Variants in DPF3 observed in about 807,000 individuals in gnomAD.
DPF3 encodes double PHD fingers 3.
Under a neutral mutation model 56.8 loss-of-function variants are expected in DPF3, and 18 were observed. The observed-to-expected ratio is 0.32, with a 90% confidence interval of 0.22 to 0.47. The LOEUF (loss-of-function observed/expected upper bound fraction) is 0.47, where lower values mean the gene tolerates loss of function less well. Among genes scored for constraint, DPF3 ranks in the 20% least tolerant of loss-of-function variants. DPF3 has a pLI of 1.00. For synonymous variants in DPF3, 188 were observed against 180.2 expected, an observed-to-expected ratio of 1.04 and a Z score of -0.35; for missense variants, 403 against 488.8, an observed-to-expected ratio of 0.82 and a Z score of 1.65.
chr14:72,691,862 G>A (rs1253029100), intron 7 of DPF3, among the ~76,000 whole-genome samples: 1 of 152,188 alleles, frequency 6.6e-6, no homozygotes, highest in East Asian at 1.9e-4. Flanking sequence ...AACCCTGCCA[G>A]CACCGTGACC....
intron 1 of DPF3, among the ~76,000 whole-genome samples, chr14:72,829,785 C>T (rs1451776834): frequency 6.6e-6 from 1 of 151,830 alleles, no homozygotes; most frequent in Non-Finnish European, 1.5e-5. Context: ...GCTCTGTCAC[C>T]CAGGCTGGAG....
chr14:72,759,825 T>C (rs1314730235), intron 2 of DPF3, among the ~76,000 whole-genome samples: 2 of 152,056 alleles, frequency 1.3e-5, no homozygotes, highest in Non-Finnish European at 2.9e-5. Flanking sequence ...AACATTCTTA[T>C]CTTTGCAATG....
At chr14:72,689,675 C>CG (rs1449389113) in intron 7 of DPF3, among the ~76,000 whole-genome samples, 5 of 152,102 alleles carry the variant, frequency 3.3e-5, no homozygotes, top group Admixed American at 6.5e-5. Context: ...AGAAAATAGT[C>CG]GGGGGGCTGC....
intron 6 of DPF3, among the ~76,000 whole-genome samples, chr14:72,714,205 C>T (rs1888789533): frequency 6.6e-6 from 1 of 152,212 alleles, no homozygotes; most frequent in African/African-American, 2.4e-5. Context: ...GGGGCCACCC[C>T]AGCTGGCTTC....
At chr14:72,775,303 C>G (rs1272398942) in intron 1 of DPF3, among the ~76,000 whole-genome samples, 2 of 150,428 alleles carry the variant, frequency 1.3e-5, no homozygotes, top group Non-Finnish European at 3.0e-5. Flanking sequence ...AAATAAATTT[C>G]TGGAAACCAA....
intron 1 of DPF3, among the ~76,000 whole-genome samples, chr14:72,780,136 C>T (rs58957804): frequency 0.011 from 1,622 of 152,322 alleles, 35 homozygotes; most frequent in African/African-American, 0.037. Flanking sequence ...AGCCCTACCC[C>T]TGAATCTCAA....
chr14:72,609,098 G>A lies in DPF3; in HGVS notation c.*10199C>T, dbSNP rs1397784672. Among the ~76,000 whole-genome samples the A allele has an allele frequency of 6.6e-6, 1 of 152,158 alleles. No homozygotes were observed. The highest frequency in any genetic ancestry group is 6.5e-5 in the Admixed American group (1 of 15,272). On this transcript the variant is annotated 3_prime_UTR_variant, in exon 11 of 11. Coordinates refer to ENST00000556509, the MANE Select transcript of DPF3 (RefSeq NM_001280542.3). Reference sequence around the variant, plus strand: ...TTGCAGACAAAAGATTCACTACGTGGGTAGTCAACATTGCTAACCAATCAC... The same window carrying A: ...TTGCAGACAAAAGATTCACTACGTGAGTAGTCAACATTGCTAACCAATCAC...
At chr14:72,825,873 A>C (rs1046478225) in intron 1 of DPF3, among the ~76,000 whole-genome samples, 1 of 152,220 alleles carries the variant, frequency 6.6e-6, no homozygotes. Flanking sequence ...TGCAGAGTAG[A>C]TGTGGCCATG....
At chr14:72,862,177 C>T (rs1181646193) in intron 1 of DPF3, among the ~76,000 whole-genome samples, 1 of 152,132 alleles carries the variant, frequency 6.6e-6, no homozygotes, top group African/African-American at 2.4e-5. Flanking sequence ...CATCCAGGTC[C>T]CAGTGAGGCC....
In DPF3 at chr14:72,622,490, G is replaced by A. The variant is rs528282205; in HGVS notation, c.985-2506C>T. Among the ~76,000 whole-genome samples the A allele has an allele frequency of 3.3e-5, 5 of 152,124 alleles. 1 individual carries two copies. Among genetic ancestry groups the A allele is most frequent in the Admixed American group, 3.3e-4 (5 of 15,266 alleles). ...AAACAGACAGGACTTGTCAGAAACAGTGTTATTAATGCCTTAAAAACAGTA... is the reference window on the plus strand; with the variant it reads ...AAACAGACAGGACTTGTCAGAAACAATGTTATTAATGCCTTAAAAACAGTA... On this transcript the variant is annotated intron_variant, in intron 9 of 10. Transcript: ENST00000556509.
chr14:72,838,807 G>A (rs1884414270), intron 1 of DPF3, among the ~76,000 whole-genome samples: 1 of 148,254 alleles, frequency 6.7e-6, no homozygotes, highest in Admixed American at 6.8e-5. Flanking sequence ...GTTGTTTTCA[G>A]CCAAAACTTA....
intron 8 of DPF3, chr14:72,661,761 A>G (rs1054919700): frequency 4.1e-6 from 4 of 985,164 alleles, no homozygotes; most frequent in Middle Eastern, 1.0e-3. Context: ...AGGCCCCAGA[A>G]GCCAGCTCAG....
chr14:72,688,152 TGATGGATGGATG>T (rs1208372778), intron 7 of DPF3, among the ~76,000 whole-genome samples: 10 of 104,446 alleles, frequency 9.6e-5, no homozygotes, highest in South Asian at 4.0e-4. Flanking sequence ...ATGAGATGGA[TGATGGATGGATG>T]GATGGATGGA....
chr14:72,723,977 T>G, intron 4 of DPF3: 1 of 369,120 alleles, frequency 2.7e-6, no homozygotes. Flanking sequence ...TTTTCCATTC[T>G]TTTTGCCCAA....
At chr14:72,876,530 C>T (rs1043720477) in intron 1 of DPF3, among the ~76,000 whole-genome samples, 2 of 152,180 alleles carry the variant, frequency 1.3e-5, no homozygotes, top group South Asian at 2.1e-4. Context: ...CTTCTGTTCA[C>T]GGACACCCCC....
At chr14:72,634,378 A>G (rs188891264) in intron 8 of DPF3, among the ~76,000 whole-genome samples, 1 of 152,328 alleles carries the variant, frequency 6.6e-6, no homozygotes, top group East Asian at 1.9e-4. Context: ...TGCCACAAAA[A>G]TTACTTCAAT....
chr14:72,652,150 T>A (rs1885928290), intron 8 of DPF3, among the ~76,000 whole-genome samples: 1 of 152,182 alleles, frequency 6.6e-6, no homozygotes, highest in African/African-American at 2.4e-5. Context: ...TGGAATTGAC[T>A]CTCAGTGAGC....
chr14:72,710,323 G>C (rs1209217409), intron 6 of DPF3, among the ~76,000 whole-genome samples: 1 of 152,224 alleles, frequency 6.6e-6, no homozygotes, highest in Non-Finnish European at 1.5e-5. Flanking sequence ...TCAAGCGCTG[G>C]ATAGCTGAGT....
At chr14:72,863,447 C>A (rs1885535014) in intron 1 of DPF3, among the ~76,000 whole-genome samples, 1 of 149,800 alleles carries the variant, frequency 6.7e-6, no homozygotes, top group South Asian at 2.1e-4. Context: ...ATGAGAAACA[C>A]ATGTTTAAAA....
Sources: gnomAD v4.1 joint callset for allele counts (sites outside exome capture counted in the v4.1 genomes callset) on GRCh38, gnomAD v4.1.1 for gene constraint, MANE v1.5 for transcripts, NCBI Gene and HGNC (gene_info 2026-07-23, HGNC 2026-07-21) for gene names.